Variants in ADAM22 observed in about 807,000 individuals in gnomAD.
ADAM22 encodes the protein disintegrin and metalloproteinase domain-containing protein 22.
ADAM22 carries 65 observed loss-of-function variants against 144.6 expected under a neutral mutation model. That is an observed-to-expected ratio of 0.45 (90% CI 0.37 to 0.55). The LOEUF (loss-of-function observed/expected upper bound fraction) is 0.55. Ranked by LOEUF, ADAM22 falls within the 20% of genes least tolerant of loss-of-function variation. The pLI, the probability that ADAM22 is intolerant of heterozygous loss-of-function variation, is 0.00. For synonymous variants in ADAM22, 391 were observed against 412.6 expected (o/e 0.95, Z 0.63); for missense variants, 974 against 1,184.9 (o/e 0.82, Z 2.61).
chr7:88,142,887 G>T, intron 14 of ADAM22, 139 bp from the exon 15 acceptor site: 4 of 502,684 alleles, frequency 8.0e-6, no homozygotes, highest in Admixed American at 3.3e-5. Context: ...CTTATAGATT[G>T]AATATAAATG....
In ADAM22 at chr7:88,171,534, C is replaced by A; in HGVS notation, c.2283-10C>A. ...TGTTTTTCCCTCTTTCTCTTCTTGTCCATGAAAAGAAACTATCGAGAACAG... is the reference window on the plus strand; with the variant it reads ...TGTTTTTCCCTCTTTCTCTTCTTGTACATGAAAAGAAACTATCGAGAACAG... On this transcript the variant is annotated splice_polypyrimidine_tract_variant and intron_variant, in intron 25 of 31. Coordinates refer to ENST00000413139, the MANE Select transcript of ADAM22 (RefSeq NM_001324418.2). 6.3e-7 allele frequency: 1 copy of A among 1,589,168 alleles called. No homozygotes were observed. Among genetic ancestry groups the A allele is most frequent in the Non-Finnish European group, 8.5e-7 (1 of 1,170,320 alleles).
chr7:88,010,883 G>A (rs138203851), intron 3 of ADAM22, among the ~76,000 whole-genome samples: 2 of 152,166 alleles, frequency 1.3e-5, no homozygotes, highest in African/African-American at 2.4e-5. Context: ...GCCACTCCTC[G>A]TGTATACAGT....
chr7:87,968,313 C>A (rs1309051317), intron 2 of ADAM22, among the ~76,000 whole-genome samples: 1 of 152,148 alleles, frequency 6.6e-6, no homozygotes, highest in African/African-American at 2.4e-5. Context: ...TGCCTGGGAT[C>A]CACTGCAGAC....
chr7:87,934,771 CCTT>C (rs1562785957), intron 1 of ADAM22: 10 of 660,928 alleles, frequency 1.5e-5, no homozygotes, highest in Admixed American at 6.0e-5. Flanking sequence ...CTGTTTTTCT[CCTT>C]CTGAAGAGGA....
At chr7:88,028,408 T>C (rs1020633490) in intron 3 of ADAM22, among the ~76,000 whole-genome samples, 1 of 152,218 alleles carries the variant, frequency 6.6e-6, no homozygotes, top group Non-Finnish European at 1.5e-5. Context: ...ATATATGGTC[T>C]ATTCTTGAGA....
chr7:88,142,438 T>A (rs992883544), intron 14 of ADAM22, among the ~76,000 whole-genome samples: 9 of 152,198 alleles, frequency 5.9e-5, no homozygotes, highest in African/African-American at 2.2e-4. Flanking sequence ...TAGGGAAGAC[T>A]CATTATAAAA....
At chr7:88,111,823 A>G (rs1187678575) in intron 5 of ADAM22, among the ~76,000 whole-genome samples, 1 of 152,222 alleles carries the variant, frequency 6.6e-6, no homozygotes, top group African/African-American at 2.4e-5. Context: ...GGAATTAATA[A>G]TGGCATATTA....
intron 3 of ADAM22, among the ~76,000 whole-genome samples, chr7:88,051,072 G>A (rs1022594381): frequency 1.3e-5 from 2 of 152,126 alleles, no homozygotes; most frequent in Non-Finnish European, 2.9e-5. Context: ...GAGAGGATGT[G>A]GAGAAATAGG....
chr7:87,954,690 G>A (rs1435626333), intron 2 of ADAM22, among the ~76,000 whole-genome samples: 1 of 152,112 alleles, frequency 6.6e-6, no homozygotes, highest in Non-Finnish European at 1.5e-5. Flanking sequence ...ATGTTGGCCT[G>A]CCTTGCTAGA....
intron 26 of ADAM22, among the ~76,000 whole-genome samples, chr7:88,173,628 A>G (rs1033113880): frequency 1.3e-5 from 2 of 152,112 alleles, no homozygotes; most frequent in African/African-American, 2.4e-5. Flanking sequence ...CATTCAAGTA[A>G]AGATCTTCCC....
At chr7:87,945,083 T>C (rs1386911548) in intron 2 of ADAM22, among the ~76,000 whole-genome samples, 1 of 152,112 alleles carries the variant, frequency 6.6e-6, no homozygotes, top group African/African-American at 2.4e-5. Flanking sequence ...ATTTTACAGT[T>C]TAGACTTTAG....
chr7:87,977,933 C>G (rs924334473), intron 2 of ADAM22, among the ~76,000 whole-genome samples: 2 of 152,252 alleles, frequency 1.3e-5, no homozygotes, highest in African/African-American at 4.8e-5. Context: ...TATCTTCTTT[C>G]TAAATAGATC....
At chr7:88,038,700 G>A (rs956148859) in intron 3 of ADAM22, among the ~76,000 whole-genome samples, 14 of 151,578 alleles carry the variant, frequency 9.2e-5, no homozygotes, top group Admixed American at 2.0e-4. Flanking sequence ...TGATCCGCCC[G>A]TCTCGGCCTC....
At chr7:88,155,325 C>A (rs1000641791) in intron 21 of ADAM22, among the ~76,000 whole-genome samples, 2 of 151,788 alleles carry the variant, frequency 1.3e-5, no homozygotes, top group African/African-American at 4.8e-5. Flanking sequence ...GAATTCAAGG[C>A]CAGCCTGGGC....
chr7:88,189,598 G>T (rs948028635), intron 30 of ADAM22, among the ~76,000 whole-genome samples: 1 of 152,168 alleles, frequency 6.6e-6, no homozygotes, highest in African/African-American at 2.4e-5. Context: ...TTAATTAAAA[G>T]TAGCAGAGTG....
intron 3 of ADAM22, among the ~76,000 whole-genome samples, chr7:88,038,783 T>A (rs1458035819): frequency 6.6e-6 from 1 of 151,096 alleles, no homozygotes; most frequent in Non-Finnish European, 1.5e-5. Flanking sequence ...CTTCTTCTTC[T>A]TCTTTTTTTT....
In ADAM22 at chr7:88,192,715, T is replaced by C. The variant is rs546404309; in HGVS notation, c.2751-401T>C. On this transcript the variant is annotated intron_variant, in intron 30 of 31. Coordinates refer to ENST00000413139, the MANE Select transcript of ADAM22 (RefSeq NM_001324418.2). ...TTAAGATCTTAAGAGAAAATTGGAA[T>C]TATCGTACTTAAACATTTTTACATT... 6.6e-5 allele frequency among the ~76,000 whole-genome samples: 10 copies of C among 152,304 alleles called. No homozygotes were observed. The South Asian group carries it at 2.1e-3, about 32-fold the overall frequency.
In ADAM22 at chr7:88,047,066, T is replaced by A. The variant is rs561335381; in HGVS notation, c.324-28560T>A. Among the ~76,000 whole-genome samples the A allele has an allele frequency of 2.0e-5, 3 of 152,338 alleles. No homozygotes were observed. In the South Asian group the frequency reaches 6.2e-4, roughly 32 times the overall value. On this transcript the variant is annotated intron_variant, in intron 3 of 31. Transcript: ENST00000413139. ...TGTGTACCTCCTTGGGCTTGCCATT[T>A]GTCTTCAGGCATCTATTTCCTAGCC... is the stretch of plus-strand genomic sequence containing the variant.
At chr7:88,056,310 C>T (rs1670343253) in intron 3 of ADAM22, among the ~76,000 whole-genome samples, 1 of 152,112 alleles carries the variant, frequency 6.6e-6, no homozygotes, top group Non-Finnish European at 1.5e-5. Context: ...GTTGAGAGAG[C>T]CATGAGAAGA....
Sources: gnomAD v4.1 joint callset for allele counts (sites outside exome capture counted in the v4.1 genomes callset) on GRCh38, gnomAD v4.1.1 for gene constraint, MANE v1.5 for transcripts, NCBI Gene and HGNC (gene_info 2026-07-23, HGNC 2026-07-21) for gene names.